Variants in KSR1 observed in about 807,000 individuals in gnomAD.
KSR1 encodes kinase suppressor of ras 1.
Under a neutral mutation model 92.9 loss-of-function variants are expected in KSR1, and 35 were observed. The ratio of observed to expected loss-of-function variants is 0.38; its 90% CI spans 0.29 to 0.50. KSR1 has a LOEUF of 0.50. Among genes scored for constraint, KSR1 ranks in the 20% least tolerant of loss-of-function variants. The pLI, the probability that KSR1 is intolerant of heterozygous loss-of-function variation, is 0.94. For synonymous variants in KSR1, 467 were observed against 472.6 expected (o/e 0.99, Z 0.15); for missense variants, 972 against 1,158.5 (o/e 0.84, Z 2.34).
At chr17:27,493,482 G>A (rs1468728806) in intron 1 of KSR1, among the ~76,000 whole-genome samples, 2 of 152,188 alleles carry the variant, frequency 1.3e-5, no homozygotes, top group Non-Finnish European at 2.9e-5. Context: ...TTTATGGCCT[G>A]TGTGACCCTG....
intron 3 of KSR1, among the ~76,000 whole-genome samples, chr17:27,581,038 GT>G (rs1360844178): frequency 6.6e-6 from 1 of 152,124 alleles, no homozygotes; most frequent in African/African-American, 2.4e-5. Flanking sequence ...TAAAAAAGAG[GT>G]TTACTTGGCT....
At chr17:27,500,993 A>G (rs187751690) in intron 1 of KSR1, among the ~76,000 whole-genome samples, 3 of 152,288 alleles carry the variant, frequency 2.0e-5, no homozygotes, top group Admixed American at 1.3e-4. Flanking sequence ...ATGTTTTTCA[A>G]GCCCTTCCTA....
At chr17:27,608,803 G>A (rs976782244) in intron 15 of KSR1, among the ~76,000 whole-genome samples, 13 of 152,198 alleles carry the variant, frequency 8.5e-5, no homozygotes, top group African/African-American at 3.1e-4. Flanking sequence ...CAGACCAGCT[G>A]TGCATATCCT....
chr17:27,578,488 A>G (rs1387671520), intron 3 of KSR1: 2 of 152,260 alleles, frequency 1.3e-5, no homozygotes, highest in Admixed American at 1.3e-4. Context: ...GCAGATGCTG[A>G]AAATAAACAC....
At chr17:27,605,320 C>T in intron 13 of KSR1, 114 bp from the exon 14 acceptor site, 2 of 1,373,590 alleles carry the variant, frequency 1.5e-6, no homozygotes, top group South Asian at 2.7e-5. Context: ...CAACCTGGGT[C>T]CCCTGGCAGG....
intron 1 of KSR1, among the ~76,000 whole-genome samples, chr17:27,522,777 T>C (rs17778144): frequency 0.28 from 42,620 of 152,084 alleles, 6,750 homozygotes; most frequent in East Asian, 0.66. Context: ...ACACCATAGA[T>C]AGAAAGCAAT....
intron 2 of KSR1, among the ~76,000 whole-genome samples, chr17:27,575,975 C>G (rs1224452276): frequency 6.6e-6 from 1 of 152,188 alleles, no homozygotes; most frequent in Non-Finnish European, 1.5e-5. Flanking sequence ...GAGAAGAATC[C>G]ACTTCACGTT....
intron 6 of KSR1, among the ~76,000 whole-genome samples, chr17:27,589,632 G>A (rs1342653323): frequency 6.6e-6 from 1 of 152,048 alleles, no homozygotes; most frequent in African/African-American, 2.4e-5. Flanking sequence ...TGTGATATAC[G>A]TTAAAAAAAA....
At chr17:27,607,704 C>T (rs534067235) in intron 14 of KSR1, among the ~76,000 whole-genome samples, 35 of 152,156 alleles carry the variant, frequency 2.3e-4, no homozygotes, top group East Asian at 1.7e-3. Flanking sequence ...GGTTTGTGTG[C>T]GTGTACGTGT....
At chr17:27,619,993 C>G (rs563108829) in intron 19 of KSR1, among the ~76,000 whole-genome samples, 4 of 152,326 alleles carry the variant, frequency 2.6e-5, no homozygotes, top group African/African-American at 9.6e-5. Context: ...CCACCGCGCC[C>G]GGCCTTCGGG....
intron 9 of KSR1, among the ~76,000 whole-genome samples, chr17:27,594,035 C>T (rs2073257983): frequency 6.6e-6 from 1 of 152,138 alleles, no homozygotes; most frequent in Non-Finnish European, 1.5e-5. Flanking sequence ...TCCTTGGGTG[C>T]TAGGGTTTCA....
At chr17:27,584,741 C>T (rs922472993) in intron 4 of KSR1, among the ~76,000 whole-genome samples, 5 of 152,178 alleles carry the variant, frequency 3.3e-5, no homozygotes, top group African/African-American at 1.2e-4. Flanking sequence ...ACTGACGTGA[C>T]GCTCAGGCCA....
intron 1 of KSR1, among the ~76,000 whole-genome samples, chr17:27,546,660 C>G (rs1181699862): frequency 6.6e-6 from 1 of 152,054 alleles, no homozygotes; most frequent in Non-Finnish European, 1.5e-5. Context: ...GTGGGCAGGG[C>G]CAGGGGCTAT....
intron 18 of KSR1, 107 bp downstream of exon 18, chr17:27,611,736 C>A: frequency 2.3e-6 from 3 of 1,291,820 alleles, no homozygotes; most frequent in Non-Finnish European, 3.3e-6. Context: ...CGGTGAGGAG[C>A]TCTGCCACCT....
rs944419537 is a variant in KSR1 at position 27,476,414 on chromosome 17, G to A, written c.231+19540G>A. On this transcript the variant is annotated intron_variant, in intron 1 of 20. Coordinates refer to ENST00000644974, the MANE Select transcript of KSR1 (RefSeq NM_001394583.1). ...GCTTGGCACCAAAAGGGCTCCCTGAGTCTTGGCTGCTGGGACTTGAGCAGT... is the reference window on the plus strand; with the variant it reads ...GCTTGGCACCAAAAGGGCTCCCTGAATCTTGGCTGCTGGGACTTGAGCAGT... 2.6e-5 allele frequency among the ~76,000 whole-genome samples: 4 copies of A among 152,220 alleles called. No homozygotes were observed. In the East Asian group the frequency reaches 7.7e-4, roughly 29 times the overall value.
intron 6 of KSR1, 120 bp downstream of exon 6, chr17:27,588,655 C>A: frequency 1.1e-6 from 1 of 885,036 alleles, no homozygotes; most frequent in Non-Finnish European, 1.6e-6. Context: ...CTGTCCATTT[C>A]ACCTGTGGGA....
Position 27,582,952 on chromosome 17 carries a change from A to G in KSR1, c.827A>G (p.Gln276Arg). The change falls in exon 4 of 21, where the codon CAG becomes CGG. Residue 276 changes from glutamine to arginine, a missense_variant. Gln to Arg is a conservative substitution (Grantham distance 43). Transcript: ENST00000644974. ...HSFITPPTTPQLRRHTKLKPP... is the reference protein window; with the variant it reads ...HSFITPPTTPRLRRHTKLKPP... ...TTCATCACCCCGCCCACCACACCCC[A>G]GCTGCGACGGCACACCAAGCTGAAG... The G allele has an allele frequency of 1.4e-6, 1 of 714,892 alleles. No individual in the cohort carries two copies. The allele number at this position is 714,892 out of a possible 1,614,324, so 44.3% of individuals were successfully genotyped here.
chr17:27,504,640 C>G (rs2069310367), intron 1 of KSR1, among the ~76,000 whole-genome samples: 1 of 152,174 alleles, frequency 6.6e-6, no homozygotes, highest in Admixed American at 6.5e-5. Flanking sequence ...TCCTGAGGGA[C>G]TCCATGAGGG....
intron 1 of KSR1, among the ~76,000 whole-genome samples, chr17:27,516,639 A>G (rs1597925126): frequency 6.6e-6 from 1 of 152,320 alleles, no homozygotes; most frequent in Admixed American, 6.5e-5. Context: ...AAACACTCTT[A>G]AAAATGTATA....
Sources: gnomAD v4.1 joint callset for allele counts (sites outside exome capture counted in the v4.1 genomes callset) on GRCh38, gnomAD v4.1.1 for gene constraint, MANE v1.5 for transcripts, NCBI Gene and HGNC (gene_info 2026-07-23, HGNC 2026-07-21) for gene names.